The following SEMA5A variants were observed in gnomAD, a reference collection of about 807,000 sequenced individuals.
The protein encoded by SEMA5A is semaphorin-5A.
A neutral mutation model predicts 135.5 loss-of-function variants in SEMA5A; 55 were observed. The observed-to-expected ratio is 0.41, with a 90% CI of 0.33 to 0.51. SEMA5A has a LOEUF of 0.51. Among genes scored for constraint, SEMA5A ranks in the 20% least tolerant of loss-of-function variants. The probability of loss-of-function intolerance (pLI) is 0.37; values close to 1 mark genes in which losing one functional copy is unlikely to be tolerated. For missense variants in SEMA5A, 1,290 were observed against 1,419.9 expected (o/e 0.91, Z 1.47); for synonymous variants, 580 against 546.5 (o/e 1.06, Z -0.85).
At chr5:9,524,014 T>C (rs1736981376) in intron 1 of SEMA5A, among the ~76,000 whole-genome samples, 1 of 152,218 alleles carries the variant, frequency 6.6e-6, no homozygotes, top group African/African-American at 2.4e-5. Flanking sequence ...CCCCACATGT[T>C]GAAGGAGAGG....
At chr5:9,348,405 C>T (rs1444194852) in intron 3 of SEMA5A, among the ~76,000 whole-genome samples, 1 of 152,134 alleles carries the variant, frequency 6.6e-6, no homozygotes, top group Non-Finnish European at 1.5e-5. Flanking sequence ...ACAAACTAAG[C>T]ATGACCCTCA....
chr5:9,075,919 T>C (rs569186965), intron 16 of SEMA5A, among the ~76,000 whole-genome samples: 3 of 152,192 alleles, frequency 2.0e-5, no homozygotes, highest in African/African-American at 7.2e-5. Context: ...AGAAATTATA[T>C]CTTCAGGCCA....
intron 12 of SEMA5A, among the ~76,000 whole-genome samples, chr5:9,138,552 T>G (rs1741889596): frequency 1.3e-5 from 2 of 152,254 alleles, no homozygotes; most frequent in Non-Finnish European, 2.9e-5. Flanking sequence ...TCCATTTCTT[T>G]GATGAACCAA....
chr5:9,217,916 T>G (rs952597090), intron 8 of SEMA5A, among the ~76,000 whole-genome samples: 1 of 152,228 alleles, frequency 6.6e-6, no homozygotes, highest in African/African-American at 2.4e-5. Flanking sequence ...CTTATTTTCC[T>G]TGGATTGCAT....
rs1363178255 is a variant in SEMA5A, at chr5:9,330,830, C to T, written c.224+6883G>A. ...AGGAAAGGGACAGAGAAGGGGAAAC[C>T]TTTAAACCCTAAAGTGGAGGTTCAT... On this transcript the variant is annotated intron_variant, in intron 4 of 22. Coordinates refer to ENST00000382496, the MANE Select transcript of SEMA5A (RefSeq NM_003966.3). Among the ~76,000 whole-genome samples the T allele has an allele frequency of 6.6e-5, 10 of 152,238 alleles. No individual in the cohort carries two copies. The East Asian group carries it at 1.7e-3, about 27-fold the overall frequency.
intron 1 of SEMA5A, among the ~76,000 whole-genome samples, chr5:9,537,417 A>G (rs1029592619): frequency 2.6e-5 from 4 of 152,158 alleles, no homozygotes; most frequent in African/African-American, 9.7e-5. Context: ...CCAAACCACA[A>G]AAAGTACCTA....
intron 6 of SEMA5A, among the ~76,000 whole-genome samples, chr5:9,230,803 T>C (rs1456472593): frequency 6.6e-6 from 1 of 152,070 alleles, no homozygotes; most frequent in Non-Finnish European, 1.5e-5. Flanking sequence ...GAGGTCTGAG[T>C]TATCACCAAT....
chr5:9,237,699 AT>A, intron 6 of SEMA5A, 128 bp downstream of exon 6: 1 of 700,824 alleles, frequency 1.4e-6, no homozygotes, highest in Non-Finnish European at 2.3e-6. Flanking sequence ...CCGTATACAT[AT>A]TTTGAATCTT....
intron 1 of SEMA5A, among the ~76,000 whole-genome samples, chr5:9,532,269 C>A (rs1737487364): frequency 6.8e-6 from 1 of 146,326 alleles, no homozygotes; most frequent in Admixed American, 6.8e-5. Flanking sequence ...AATCAATGAA[C>A]TTTTTTTTTT....
intron 1 of SEMA5A, among the ~76,000 whole-genome samples, chr5:9,473,356 C>T (rs1246895213): frequency 8.1e-6 from 1 of 124,050 alleles, no homozygotes; most frequent in Non-Finnish European, 1.6e-5. Flanking sequence ...TTAATAAAAC[C>T]TATTGGCTGC....
At chr5:9,228,742 C>T (rs1188099332) in intron 6 of SEMA5A, among the ~76,000 whole-genome samples, 1 of 152,206 alleles carries the variant, frequency 6.6e-6, no homozygotes, top group East Asian at 1.9e-4. Flanking sequence ...AATTGCACGC[C>T]ATGGCGAATG....
Position 9,197,090 on chromosome 5 carries a change from A to G in SEMA5A, c.1068+78T>C, listed in dbSNP as rs987900681. Reference sequence around the variant, plus strand: ...GGTGCATGCACCCGCGGTTTAAATTACCCTTGCCTGTCTACACAAGGCTTC... The same window carrying G: ...GGTGCATGCACCCGCGGTTTAAATTGCCCTTGCCTGTCTACACAAGGCTTC... On this transcript the variant is annotated intron_variant, in intron 10 of 22. Transcript: ENST00000382496. 3.2e-6 allele frequency: 5 copies of G among 1,586,378 alleles called. No individual in the cohort carries two copies. The African/African-American group carries it at 6.7e-5, about 21-fold the overall frequency.
At chr5:9,065,289 G>A (rs965353789) in intron 17 of SEMA5A, among the ~76,000 whole-genome samples, 2 of 152,164 alleles carry the variant, frequency 1.3e-5, no homozygotes, top group African/African-American at 4.8e-5. Context: ...CAGCTCCCAG[G>A]AGAAGTCATG....
chr5:9,070,226 C>A (rs926382925), intron 16 of SEMA5A, among the ~76,000 whole-genome samples: 1 of 152,074 alleles, frequency 6.6e-6, no homozygotes, highest in Non-Finnish European at 1.5e-5. Context: ...CAAAAATTAG[C>A]GGGGCATGGT....
In SEMA5A at chr5:9,119,161, G is replaced by A. The variant is rs370072888; in HGVS notation, c.1782-20C>T. On this transcript the variant is annotated intron_variant, in intron 14 of 22. Coordinates refer to ENST00000382496, the MANE Select transcript of SEMA5A (RefSeq NM_003966.3). ...CCGTTCCTGAGGGAAGGGAAGCAATGCAATCATTAGGTCCCGCAGGCTCAG... is the reference window on the plus strand; with the variant it reads ...CCGTTCCTGAGGGAAGGGAAGCAATACAATCATTAGGTCCCGCAGGCTCAG... 1.5e-5 allele frequency: 24 copies of A among 1,610,990 alleles called. No homozygotes were observed. The African/African-American group carries it at 2.7e-4, about 18-fold the overall frequency.
intron 2 of SEMA5A, among the ~76,000 whole-genome samples, chr5:9,423,902 G>A (rs1242393231): frequency 6.6e-6 from 1 of 152,124 alleles, no homozygotes; most frequent in Non-Finnish European, 1.5e-5. Flanking sequence ...CTGAAAATGT[G>A]AACTACATTG....
intron 5 of SEMA5A, among the ~76,000 whole-genome samples, chr5:9,312,772 T>G (rs1002254406): frequency 2.0e-5 from 3 of 152,182 alleles, no homozygotes; most frequent in African/African-American, 7.2e-5. Context: ...ACTTCCGATT[T>G]GAAGTACTGT....
chr5:9,214,609 T>C (rs1746514602), intron 8 of SEMA5A, among the ~76,000 whole-genome samples: 1 of 152,138 alleles, frequency 6.6e-6, no homozygotes, highest in Non-Finnish European at 1.5e-5. Flanking sequence ...GATCTCTGTA[T>C]CCCGGCCAGA....
chr5:9,130,388 G>A (rs1327154981), intron 13 of SEMA5A, among the ~76,000 whole-genome samples: 5 of 152,086 alleles, frequency 3.3e-5, no homozygotes, highest in East Asian at 3.9e-4. Flanking sequence ...TATGCTCCTC[G>A]GGAAAGCTTG....
Sources: allele counts gnomAD v4.1 joint callset (sites outside exome capture counted in the v4.1 genomes callset), GRCh38; gene constraint gnomAD v4.1.1; transcripts MANE v1.5; gene names NCBI Gene and HGNC (gene_info 2026-07-23, HGNC 2026-07-21).